Variants in DRC7 observed in about 807,000 individuals in gnomAD.
DRC7 encodes coiled-coil domain containing 135.
Under a neutral mutation model 104.4 loss-of-function variants are expected in DRC7, and 80 were observed. The ratio of observed to expected loss-of-function variants is 0.77; its 90% CI spans 0.64 to 0.92. The LOEUF is 0.92. Among genes scored for constraint, DRC7 ranks in the 40% least tolerant of loss-of-function variants. DRC7 has a pLI of 0.00. For missense variants in DRC7, 1,034 were observed against 1,141.1 expected, an observed-to-expected ratio of 0.91 and a Z score of 1.35; for synonymous variants, 405 against 447.3, an observed-to-expected ratio of 0.91 and a Z score of 1.19.
At position 57,702,258 on chromosome 16, in the gene DRC7, C is replaced by T. The variant is rs117033100; in HGVS notation, c.699+128C>T. The T allele has an allele frequency of 1.1e-3, 927 of 844,292 alleles. 9 individuals carry two copies. The East Asian group carries it at 0.016, about 14-fold the overall frequency. 52.3% of individuals were successfully genotyped at this position (844,292 alleles called of 1,614,324 possible). On this transcript the variant is annotated intron_variant, in intron 6 of 18. Coordinates refer to ENST00000360716, the MANE Select transcript of DRC7 (RefSeq NM_001289162.2). ...CCTGGCCACGCGGACACAGATCCCTCACCACCAGCCCTTCCGCTGCCCTGG... is the reference window on the plus strand; with the variant it reads ...CCTGGCCACGCGGACACAGATCCCTTACCACCAGCCCTTCCGCTGCCCTGG...
chr16:57,723,060 G>GAAACACAT lies in DRC7; in HGVS notation c.1473_1480dup (p.Lys494ThrfsTer2), dbSNP rs761589413. ...AGAACCGGGAAGACATGCTGGAGCT[G>GAAACACAT]AAACACATAAACAAGACCACAGACC... On this transcript the variant is annotated frameshift_variant, in exon 12 of 19. Transcript: ENST00000360716. LOFTEE classifies it high-confidence loss of function. 14 of 1,613,794 alleles carry GAAACACAT rather than the reference G, an allele frequency of 8.7e-6. No homozygotes were observed. The African/African-American group carries it at 1.9e-4, about 22-fold the overall frequency.
intron 11 of DRC7, 66 bp downstream of exon 11, chr16:57,722,907 C>T: frequency 6.2e-7 from 1 of 1,612,686 alleles, no homozygotes; most frequent in Non-Finnish European, 8.5e-7. Flanking sequence ...TCTACTCTCT[C>T]TGGGGTCATT....
At chr16:57,728,080 A>G (rs1472959616) in intron 16 of DRC7, among the ~76,000 whole-genome samples, 2 of 152,252 alleles carry the variant, frequency 1.3e-5, no homozygotes, top group Admixed American at 6.5e-5. Context: ...AGCATCTACT[A>G]TGGATTGTCA....
In DRC7 at chr16:57,720,173, A is replaced by G. The variant is rs147110210; in HGVS notation, c.1207-1494A>G. Among the ~76,000 whole-genome samples the G allele has an allele frequency of 5.9e-3, 898 of 152,244 alleles. 8 individuals carry two copies. Among genetic ancestry groups the G allele is most frequent in the African/African-American group, 0.021 (868 of 41,546 alleles). On this transcript the variant is annotated intron_variant, in intron 9 of 18. Coordinates refer to ENST00000360716, the MANE Select transcript of DRC7 (RefSeq NM_001289162.2). The stretch of plus-strand genomic sequence containing the variant: ...CCTGTGATTAATATTATCCCATTTT[A>G]CCGATGGGAAGACTCACACACAGAG...
intron 6 of DRC7, among the ~76,000 whole-genome samples, chr16:57,704,240 A>G (rs2048688414): frequency 6.6e-6 from 1 of 151,992 alleles, no homozygotes; most frequent in Non-Finnish European, 1.5e-5. Context: ...GAAAATGGAG[A>G]CTCAGGGAAC....
intron 1 of DRC7, among the ~76,000 whole-genome samples, chr16:57,695,570 C>T (rs762031005): frequency 6.6e-6 from 1 of 152,160 alleles, no homozygotes; most frequent in Non-Finnish European, 1.5e-5. Context: ...TCTCTGGGAC[C>T]AAGAGGCCAA....
chr16:57,714,856 T>A, intron 8 of DRC7: 1 of 205,426 alleles, frequency 4.9e-6, no homozygotes, highest in South Asian at 5.8e-5. Context: ...ACATTGCTGG[T>A]GCATGCTACA....
At chr16:57,697,879 G>A in intron 2 of DRC7, 34 bp from the exon 3 acceptor site, 1 of 1,548,308 alleles carries the variant, frequency 6.5e-7, no homozygotes, top group Non-Finnish European at 8.7e-7. Context: ...TGGGCTGACA[G>A]TCGGCCATGG....
chr16:57,695,032 G>A (rs1425316547), intron 1 of DRC7, among the ~76,000 whole-genome samples, 180 bp downstream of exon 1: 1 of 152,042 alleles, frequency 6.6e-6, no homozygotes, highest in Non-Finnish European at 1.5e-5. Flanking sequence ...GAGAGGGGGT[G>A]CAGGGAAGGG....
intron 10 of DRC7, 130 bp from the exon 11 acceptor site, chr16:57,722,583 T>C: frequency 7.8e-7 from 1 of 1,281,600 alleles, no homozygotes; most frequent in South Asian, 1.4e-5. Context: ...TCGGCCTCCC[T>C]GGATCAGGCT....
rs148763995 is a variant in DRC7, at chr16:57,709,275, G to A, written c.1077+1597G>A. Among the ~76,000 whole-genome samples, 566 of 152,182 alleles carry A rather than the reference G, an allele frequency of 3.7e-3. 6 individuals carry two copies. Among genetic ancestry groups the A allele is most frequent in the African/African-American group, 0.013 (529 of 41,516 alleles). On this transcript the variant is annotated intron_variant, in intron 8 of 18. Transcript: ENST00000360716. ...TCAGTTCTATAGCTGAATGATGGCCGTTTTGTTTCTTCATTTTTAATCCTT... is the reference window on the plus strand; with the variant it reads ...TCAGTTCTATAGCTGAATGATGGCCATTTTGTTTCTTCATTTTTAATCCTT...
At chr16:57,723,267 G>A in intron 12 of DRC7, 137 bp downstream of exon 12, 1 of 1,027,862 alleles carries the variant, frequency 9.7e-7, no homozygotes, top group Non-Finnish European at 1.4e-6. Context: ...AGTAGAAGCT[G>A]CCCTGCCTCC....
rs1365467669 is a variant in DRC7 at position 57,727,190 on chromosome 16, C to G, written c.2086-109C>G. On this transcript the variant is annotated intron_variant, in intron 15 of 18. Transcript: ENST00000360716. ...TTTTCCATTTTGCCCAGGCTGGTCT[C>G]AAACTCCTGAATTCATGCAATCTGC... 3 of 905,682 alleles carry G rather than the reference C, an allele frequency of 3.3e-6. No individual in the cohort carries two copies. In the African/African-American group the frequency reaches 5.0e-5, roughly 15 times the overall value. The allele number at this position is 905,682 out of a possible 1,614,324, so 56.1% of individuals were successfully genotyped here.
intron 10 of DRC7, among the ~76,000 whole-genome samples, chr16:57,722,172 C>A (rs1437512832): frequency 1.3e-5 from 2 of 152,140 alleles, no homozygotes; most frequent in African/African-American, 2.4e-5. Flanking sequence ...TGCTGGTGCC[C>A]ACCTAGGGAG....
chr16:57,705,006 G>C lies in DRC7; in HGVS notation c.830G>C (p.Arg277Pro). ...GAGATCAGAGCCCAGGAGAAGAAGC[G>C]GCTGAGGGAGGAGGAGGAGCGCCTC... ...QQEIRAQEKK[R>P]LREEEERLME... Residue 277 changes from arginine to proline, a missense_variant, in exon 7 of 19, where the codon CGG becomes CCG. By Grantham distance (103) the Arg-to-Pro change is moderately radical. Coordinates refer to ENST00000360716, the MANE Select transcript of DRC7 (RefSeq NM_001289162.2). 6.2e-7 allele frequency: 1 copy of C among 1,612,852 alleles called. No individual in the cohort carries two copies. Among genetic ancestry groups the C allele is most frequent in the South Asian group, 1.1e-5 (1 of 91,040 alleles).
At position 57,731,513 on chromosome 16, in the gene DRC7, T is replaced by C. The variant is rs1365551936; in HGVS notation, c.*255T>C. The C allele has an allele frequency of 7.6e-6, 4 of 526,140 alleles. No individual in the cohort carries two copies. In the East Asian group the frequency reaches 1.0e-4, roughly 13 times the overall value. 32.6% of individuals were successfully genotyped at this position (526,140 alleles called of 1,614,324 possible). A position where few individuals can be genotyped will look rare whatever the true frequency, so the allele number is the denominator to read the frequency against. ...AGCCTTTCTCTTCTTCTGTTATCTA[T>C]AGCCTGGGACCACCCCCTTCCTCCC... On this transcript the variant is annotated 3_prime_UTR_variant, in exon 19 of 19. Transcript: ENST00000360716.
At chr16:57,724,309 C>CAAAAAAAA (rs35767816) in intron 12 of DRC7, among the ~76,000 whole-genome samples, 1 of 80,706 alleles carries the variant, frequency 1.2e-5, no homozygotes. Flanking sequence ...GGCTGTGTCT[C>CAAAAAAAA]AAAAAAAAAA....
intron 10 of DRC7, among the ~76,000 whole-genome samples, 188 bp downstream of exon 10, chr16:57,721,927 C>A (rs1305810705): frequency 1.3e-5 from 2 of 151,744 alleles, no homozygotes; most frequent in African/African-American, 2.4e-5. Context: ...CAGCTCTGAC[C>A]CCGAGGGCCT....
At chr16:57,716,029 A>C (rs1430393085) in intron 8 of DRC7, among the ~76,000 whole-genome samples, 8 of 152,246 alleles carry the variant, frequency 5.3e-5, no homozygotes. Context: ...TTGGAGGAGG[A>C]TGGCAAGGCA....
Sources: gnomAD v4.1 joint callset for allele counts (sites outside exome capture counted in the v4.1 genomes callset) on GRCh38, gnomAD v4.1.1 for gene constraint, MANE v1.5 for transcripts, NCBI Gene and HGNC (gene_info 2026-07-23, HGNC 2026-07-21) for gene names.